The following FANCA variants were observed in gnomAD, a reference collection of about 807,000 sequenced individuals.
FANCA encodes Fanconi anemia group A protein.
In FANCA, 236 loss-of-function variants were observed where a neutral mutation model predicts 194.3. That is an observed-to-expected ratio of 1.21 (90% CI 1.09 to 1.35). The LOEUF (loss-of-function observed/expected upper bound fraction) is 1.35. Ranked by LOEUF, FANCA falls within the 40% of genes most tolerant of loss-of-function variation. FANCA has a pLI of 0.00. For synonymous variants in FANCA, 1,014 were observed against 715.8 expected (o/e 1.42, Z -6.65); for missense variants, 2,628 against 1,813.9 (o/e 1.45, Z -8.15).
chr16:89,767,566 T>G (rs930151673), intron 26 of FANCA, among the ~76,000 whole-genome samples: 1 of 152,058 alleles, frequency 6.6e-6, no homozygotes, highest in African/African-American at 2.4e-5. Flanking sequence ...TGCTTTTTTT[T>G]TGAGAGGGAG....
In FANCA at chr16:89,785,397, A is replaced by T. The variant is rs55693415; in HGVS notation, c.1360-433T>A. On this transcript the variant is annotated intron_variant, in intron 14 of 42. Transcript: ENST00000389301. Reference sequence around the variant, plus strand: ...GCAAACAAATTGATTTTGTGGGATGAAGCCACTTCTGAACACACTTTAACT... The same window carrying T: ...GCAAACAAATTGATTTTGTGGGATGTAGCCACTTCTGAACACACTTTAACT... Among the ~76,000 whole-genome samples the T allele has an allele frequency of 1.4e-3, 213 of 152,310 alleles. 2 individuals carry two copies. The highest frequency in any genetic ancestry group is 4.9e-3 in the African/African-American group (203 of 41,558).
intron 6 of FANCA, 82 bp downstream of exon 6, chr16:89,808,212 G>A (rs1001125499): frequency 6.6e-5 from 88 of 1,340,586 alleles, no homozygotes; most frequent in South Asian, 3.4e-4. Context: ...AATCAAACCC[G>A]TCTGATTCTG....
chr16:89,747,843 G>A (rs2038443712), intron 33 of FANCA, among the ~76,000 whole-genome samples: 1 of 152,170 alleles, frequency 6.6e-6, no homozygotes, highest in South Asian at 2.1e-4. Context: ...CTGTAGAGTG[G>A]GAGGGGCTGG....
intron 29 of FANCA, among the ~76,000 whole-genome samples, chr16:89,761,419 A>AG (rs1160033006): frequency 8.5e-6 from 1 of 117,930 alleles, no homozygotes; most frequent in African/African-American, 3.7e-5. Context: ...ACTCTGTCTC[A>AG]GAAAAAAAAA....
chr16:89,792,056 G>C lies in FANCA; in HGVS notation c.1096C>G (p.Leu366Val). 1 of 1,614,188 alleles carries C rather than the reference G, an allele frequency of 6.2e-7. No homozygotes were observed. Among genetic ancestry groups the C allele is most frequent in the Non-Finnish European group, 8.5e-7 (1 of 1,180,026 alleles). Residue 366 changes from leucine (L) to valine (V), a missense_variant, in exon 13 of 43, where the codon CTG (leucine) becomes GTG (valine). Physicochemically the swap from Leu to Val is conservative, Grantham distance 32 (BLOSUM62 1). Transcript: ENST00000389301. ...TSLYRRLFVM[L>V]SAEELVGHLQ... Reference sequence around the variant, plus strand: ...TGGCCAACCAACTCCTCTGCACTCAGCATCACAAAGAGCTGAAATAAAAGC... The same window carrying C: ...TGGCCAACCAACTCCTCTGCACTCACCATCACAAAGAGCTGAAATAAAAGC...
rs1040533756 is a variant in FANCA, at chr16:89,780,019, G to C, written c.1627-62C>G. On this transcript the variant is annotated intron_variant, in intron 17 of 42. Transcript: ENST00000389301. ...AGGACTTTAAAGAAAAGACTGAGCA[G>C]TGAAGGCCACACTCAACCTGTGCTT... 1.6e-5 allele frequency: 23 copies of C among 1,425,704 alleles called. No homozygotes were observed. In the South Asian group the frequency reaches 1.8e-4, roughly 11 times the overall value. The allele number at this position is 1,425,704 out of a possible 1,614,324, so 88.3% of individuals were successfully genotyped here.
At chr16:89,749,518 C>G (rs892250891) in intron 32 of FANCA, among the ~76,000 whole-genome samples, 1 of 152,238 alleles carries the variant, frequency 6.6e-6, no homozygotes, top group Non-Finnish European at 1.5e-5. Flanking sequence ...TGAACCACCT[C>G]GCTTGGCTGG....
At position 89,815,335 on chromosome 16, in the gene FANCA, C is replaced by CTTT. The variant is rs562815235; in HGVS notation, c.189+539_189+541dup. The stretch of plus-strand genomic sequence containing the variant: ...TACAGGCGTGAGCCACCACGCCCGG[C>CTTT]TTTTTTTTTTTTTTTTTTTTTTTTT... On this transcript the variant is annotated intron_variant, in intron 2 of 42. Coordinates refer to ENST00000389301, the MANE Select transcript of FANCA (RefSeq NM_000135.4). Among the ~76,000 whole-genome samples the CTTT allele has an allele frequency of 9.3e-4, 62 of 66,536 alleles. 2 individuals carry two copies. Among genetic ancestry groups the CTTT allele is most frequent in the Non-Finnish European group, 1.5e-3 (51 of 34,988 alleles). 43.7% of individuals were successfully genotyped at this position (66,536 alleles called of 152,430 possible). A position where few individuals can be genotyped will look rare whatever the true frequency, so the allele number is the denominator to read the frequency against.
At chr16:89,756,879 C>CG (rs1409214628) in intron 30 of FANCA, among the ~76,000 whole-genome samples, 7 of 152,220 alleles carry the variant, frequency 4.6e-5, no homozygotes, top group Admixed American at 4.6e-4. Flanking sequence ...CTGTTACCCC[C>CG]AGGCAGGGCT....
chr16:89,746,997 G>T, intron 33 of FANCA, 107 bp from the exon 34 acceptor site: 1 of 1,063,800 alleles, frequency 9.4e-7, no homozygotes, highest in Non-Finnish European at 1.4e-6. Context: ...ACTCGCTAAG[G>T]CTTGGCGTGG....
intron 14 of FANCA, among the ~76,000 whole-genome samples, chr16:89,785,403 C>G (rs1373626780): frequency 6.6e-6 from 1 of 152,182 alleles, no homozygotes; most frequent in Admixed American, 6.5e-5. Context: ...GATGAAGCCA[C>G]TTCTGAACAC....
intron 14 of FANCA, among the ~76,000 whole-genome samples, chr16:89,788,539 T>A (rs962273838): frequency 6.6e-6 from 1 of 152,226 alleles, no homozygotes; most frequent in Non-Finnish European, 1.5e-5. Context: ...GGCTCATGCC[T>A]GTAATTCCAG....
intron 15 of FANCA, among the ~76,000 whole-genome samples, chr16:89,783,592 C>T (rs2039797327): frequency 6.6e-6 from 1 of 151,758 alleles, no homozygotes; most frequent in Non-Finnish European, 1.5e-5. Context: ...TAGAAGGCTG[C>T]TTCCCCAGGT....
chr16:89,759,307 G>C (rs1360653872), intron 29 of FANCA, among the ~76,000 whole-genome samples: 2 of 80,792 alleles, frequency 2.5e-5, no homozygotes, highest in Non-Finnish European at 4.9e-5. Context: ...GCAACAGAGC[G>C]AGACTCCGTC....
At chr16:89,798,457 T>G in intron 10 of FANCA, 3 of 1,091,412 alleles carry the variant, frequency 2.7e-6, no homozygotes, top group Non-Finnish European at 3.4e-6. Flanking sequence ...GGATGGGAAA[T>G]GAGGAGCAAA....
chr16:89,816,057 G>C (rs951425403), intron 1 of FANCA, 71 bp from the exon 2 acceptor site: 1 of 1,192,176 alleles, frequency 8.4e-7, no homozygotes, highest in South Asian at 1.2e-5. Context: ...CGACGCGCAG[G>C]TGGACGCCGC....
At chr16:89,806,539 G>A (rs1433482295) in intron 6 of FANCA, among the ~76,000 whole-genome samples, 2 of 151,604 alleles carry the variant, frequency 1.3e-5, no homozygotes, top group East Asian at 1.9e-4. Context: ...AGATTAGGGA[G>A]TGGTGATGAC....
chr16:89,743,106 G>A (rs1044440534), intron 36 of FANCA, among the ~76,000 whole-genome samples, 168 bp from the exon 37 acceptor site: 2 of 152,210 alleles, frequency 1.3e-5, no homozygotes, highest in African/African-American at 2.4e-5. Flanking sequence ...CCAGGTCCAC[G>A]TGAGAGTGTG....
intron 1 of FANCA, 117 bp downstream of exon 1, chr16:89,816,420 G>C: frequency 3.2e-6 from 3 of 933,538 alleles, no homozygotes; most frequent in Non-Finnish European, 4.3e-6. Flanking sequence ...ACAGCCCCCC[G>C]GGCGCGGCGT....
Sources: allele counts gnomAD v4.1 joint callset (sites outside exome capture counted in the v4.1 genomes callset), GRCh38; gene constraint gnomAD v4.1.1; transcripts MANE v1.5; gene names NCBI Gene and HGNC (gene_info 2026-07-23, HGNC 2026-07-21).